The following SGSM3 variants were observed in gnomAD, a reference collection of about 807,000 sequenced individuals.
SGSM3 encodes RUN and SH3 containing 3.
Under a neutral mutation model 100.5 loss-of-function variants are expected in SGSM3, and 96 were observed. The observed-to-expected ratio is 0.96, with a 90% confidence interval of 0.81 to 1.13. The LOEUF is 1.13. SGSM3 is among the 50% of genes most tolerant of loss of function. The pLI is 0.00. For missense variants in SGSM3, 1,001 were observed against 1,015.8 expected, an observed-to-expected ratio of 0.99 and a Z score of 0.20; for synonymous variants, 483 against 422.8, an observed-to-expected ratio of 1.14 and a Z score of -1.75.
At chr22:40,392,130 G>A (rs1338464582) in intron 1 of SGSM3, among the ~76,000 whole-genome samples, 1 of 152,118 alleles carries the variant, frequency 6.6e-6, no homozygotes, top group African/African-American at 2.4e-5. Context: ...CCCATGTGAA[G>A]AGGGACACCT....
chr22:40,390,703 G>A (rs1158601379), intron 1 of SGSM3, among the ~76,000 whole-genome samples: 1 of 152,156 alleles, frequency 6.6e-6, no homozygotes, highest in Non-Finnish European at 1.5e-5. Flanking sequence ...TTTGTTGGGG[G>A]CCCAGAGGAA....
intron 4 of SGSM3, 50 bp downstream of exon 4, chr22:40,402,255 G>A: frequency 5.7e-6 from 8 of 1,398,734 alleles, no homozygotes; most frequent in African/African-American, 2.8e-5. Context: ...TCTTTGGGGA[G>A]GACTCCGCTC....
chr22:40,394,523 G>A (rs1417470301), intron 1 of SGSM3, among the ~76,000 whole-genome samples: 1 of 151,838 alleles, frequency 6.6e-6, no homozygotes, highest in Non-Finnish European at 1.5e-5. Flanking sequence ...GTGGGCACCT[G>A]TAATCCCAGC....
chr22:40,386,194 A>C (rs1008383448), intron 1 of SGSM3, among the ~76,000 whole-genome samples: 1 of 152,112 alleles, frequency 6.6e-6, no homozygotes, highest in African/African-American at 2.4e-5. Context: ...AGAGGAACTT[A>C]AATGGGGCTA....
rs759587574 is a variant in SGSM3 at position 40,409,952 on chromosome 22, T to TTAGGGA, written c.*195_*200dup. On this transcript the variant is annotated 3_prime_UTR_variant, in exon 22 of 22. Coordinates refer to ENST00000248929, the MANE Select transcript of SGSM3 (RefSeq NM_015705.6). ...AGGGTACCCTGCCCCACCAGGGTCC[T>TTAGGGA]TAGGGATGCTCTAGGCCAAACCACA... 3.9e-4 allele frequency: 538 copies of TTAGGGA among 1,396,232 alleles called. No homozygotes were observed. Among genetic ancestry groups the TTAGGGA allele is most frequent in the Admixed American group, 5.5e-4 (17 of 31,068 alleles). 86.5% of individuals were successfully genotyped at this position (1,396,232 alleles called of 1,614,324 possible).
At position 40,407,135 on chromosome 22, in the gene SGSM3, A is replaced by C; in HGVS notation, c.1240+64A>C. 4.3e-6 allele frequency: 7 copies of C among 1,611,764 alleles called. No individual in the cohort carries two copies. Among genetic ancestry groups the C allele is most frequent in the Non-Finnish European group, 5.9e-6 (7 of 1,178,876 alleles). On this transcript the variant is annotated intron_variant, in intron 11 of 21. Transcript: ENST00000248929. This position sits in a 1 kb window ranked among gnomAD's most constrained non-coding sequence, Gnocchi z 4.7. ...GGAGTCTGTCCTCACGCTCATGTGGACGTGGAGCTTCCTCCTCGGGGGCCT... is the reference window on the plus strand; with the variant it reads ...GGAGTCTGTCCTCACGCTCATGTGGCCGTGGAGCTTCCTCCTCGGGGGCCT...
Position 40,409,453 on chromosome 22 carries a change from C to T in SGSM3, c.2112-12C>T, listed in dbSNP as rs781310834. The T allele has an allele frequency of 1.3e-6, 2 of 1,568,778 alleles. No homozygotes were observed. Among genetic ancestry groups the T allele is most frequent in the Non-Finnish European group, 1.7e-6 (2 of 1,155,168 alleles). On this transcript the variant is annotated splice_polypyrimidine_tract_variant and intron_variant, in intron 20 of 21. Transcript: ENST00000248929. ...GGTGACAAGAGCCTTACCACCCCTT[C>T]CTCACCTCTAGAGTCCTCTGCTGCT...
At chr22:40,409,111 A>G in intron 19 of SGSM3, 93 bp downstream of exon 19, 1 of 1,553,596 alleles carries the variant, frequency 6.4e-7, no homozygotes. Context: ...CTAAAGGACA[A>G]AGAACCTCAG....
rs369422074 is a variant in SGSM3 at position 40,407,291 on chromosome 22, G to A, written c.1331G>A (p.Arg444His). The change falls in exon 12 of 22, where the codon CGC (arginine) becomes CAC (histidine). Residue 444 changes from arginine (R) to histidine (H), a missense_variant. By Grantham distance (29) the Arg-to-His change is conservative. Transcript: ENST00000248929. The surrounding 1 kb of genome is among the most constrained non-coding windows in gnomAD (Gnocchi z 4.7). ...CGGGAAGCCATCCTGCGCGTGGCAC[G>A]CCACTTCCAGTGCACAGACCCCAAA... ...DLREAILRVA[R>H]HFQCTDPKNC... 23 of 1,613,580 alleles carry A rather than the reference G, an allele frequency of 1.4e-5. No homozygotes were observed. The highest frequency in any genetic ancestry group is 8.9e-5 in the East Asian group (4 of 44,880).
At position 40,370,661 on chromosome 22, in the gene SGSM3, A is replaced by G. The variant is rs1187419421; in HGVS notation, c.-139A>G. The G allele has an allele frequency of 6.6e-6, 1 of 152,340 alleles. No homozygotes were observed. The highest frequency in any genetic ancestry group is 1.5e-5 in the Non-Finnish European group (1 of 68,118). The allele number at this position is 152,340 out of a possible 1,614,324, so 9.4% of individuals were successfully genotyped here. On this transcript the variant is annotated 5_prime_UTR_variant, in exon 1 of 22. Transcript: ENST00000248929. ...TGGGGAAGCTGCTAACCCGACCCGG[A>G]TTGGCGCTGAGGTGGCCCGTGGGGC...
At chr22:40,400,240 C>T (rs995927663) in intron 1 of SGSM3, among the ~76,000 whole-genome samples, 1 of 152,210 alleles carries the variant, frequency 6.6e-6, no homozygotes, top group Non-Finnish European at 1.5e-5. Flanking sequence ...AATATGATTT[C>T]AAAAACCGGA....
intron 4 of SGSM3, 95 bp downstream of exon 4, chr22:40,402,300 C>A: frequency 2.2e-6 from 2 of 920,792 alleles, no homozygotes; most frequent in Non-Finnish European, 3.6e-6. Context: ...GATGGCTGAG[C>A]TCTGATGCGT....
intron 1 of SGSM3, among the ~76,000 whole-genome samples, chr22:40,391,945 T>C (rs2049401971): frequency 6.6e-6 from 1 of 151,980 alleles, no homozygotes; most frequent in African/African-American, 2.4e-5. Context: ...GACGTGGGGG[T>C]ATATCTGTAA....
At chr22:40,382,300 A>C (rs1333137934) in intron 1 of SGSM3, among the ~76,000 whole-genome samples, 2 of 152,178 alleles carry the variant, frequency 1.3e-5, no homozygotes, top group Admixed American at 1.3e-4. Context: ...TAAAGCAACA[A>C]TAATCATTTT....
chr22:40,389,910 A>C (rs997725456), intron 1 of SGSM3, among the ~76,000 whole-genome samples: 1 of 145,410 alleles, frequency 6.9e-6, no homozygotes, highest in Admixed American at 7.6e-5. Flanking sequence ...GTCTCAAAAA[A>C]AAAAAGAAAA....
chr22:40,407,603 C>T lies in SGSM3; in HGVS notation c.1524+35C>T. The T allele has an allele frequency of 6.3e-7, 1 of 1,594,662 alleles. No homozygotes were observed. ...GGCGCTGGACTACCAGGTCCTCAGG[C>T]TGTGGCGGGTTCCCCAGACTCCCTC... On this transcript the variant is annotated intron_variant, in intron 13 of 21. Transcript: ENST00000248929. The surrounding 1 kb of genome is among the most constrained non-coding windows in gnomAD (Gnocchi z 4.7).
chr22:40,403,025 G>A (rs759188066), intron 4 of SGSM3, among the ~76,000 whole-genome samples: 7 of 152,176 alleles, frequency 4.6e-5, no homozygotes, highest in African/African-American at 7.2e-5. Flanking sequence ...GCAGGTATTT[G>A]CAGGTTAAAG....
chr22:40,401,698 A>G, intron 3 of SGSM3, 23 bp downstream of exon 3: 1 of 1,594,742 alleles, frequency 6.3e-7, no homozygotes, highest in Non-Finnish European at 8.6e-7. Context: ...GCCAGGCACC[A>G]GCCTGCTGTG....
chr22:40,404,054 C>G, intron 4 of SGSM3, 193 bp from the exon 5 acceptor site: 1 of 435,528 alleles, frequency 2.3e-6, no homozygotes, highest in Non-Finnish European at 4.0e-6. Flanking sequence ...AAGAGCTTTG[C>G]TCCTCATGGG....
Sources: allele counts gnomAD v4.1 joint callset (sites outside exome capture counted in the v4.1 genomes callset), GRCh38; gene constraint gnomAD v4.1.1; non-coding constraint Gnocchi (gnomAD v3.1); transcripts MANE v1.5; gene names NCBI Gene and HGNC (gene_info 2026-07-23, HGNC 2026-07-21).